ATRNL1: variants seen among roughly 807,000 people sequenced by gnomAD.
ATRNL1 encodes attractin like 1, also known as attractin-like protein 1.
ATRNL1 carries 95 observed loss-of-function variants against 182.7 expected under a neutral mutation model. That is an observed-to-expected ratio of 0.52 (90% CI 0.44 to 0.62). The LOEUF (loss-of-function observed/expected upper bound fraction) is 0.62. ATRNL1 is among the 20% of genes least tolerant of loss of function. ATRNL1 has a pLI of 0.00. For missense variants in ATRNL1, 1,471 were observed against 1,679.5 expected (o/e 0.88, Z 2.17); for synonymous variants, 576 against 568.3 (o/e 1.01, Z -0.19).
chr10:115,094,296 CCAGATGTCCGCAGCGACTT>C (rs1337699320), intron 1 of ATRNL1, among the ~76,000 whole-genome samples: 1 of 152,162 alleles, frequency 6.6e-6, no homozygotes, highest in African/African-American at 2.4e-5. Context: ...CTCGAGCGTT[CCAGATGTCCGCAGCGACTT>C]CTGATCCGCT....
intron 22 of ATRNL1, 141 bp downstream of exon 22, chr10:115,462,176 C>G (rs1847835215): frequency 2.0e-6 from 1 of 500,634 alleles, no homozygotes. Flanking sequence ...TTTTTTCTCT[C>G]TTCGTGATTC....
rs186861893 is a variant in ATRNL1 at position 115,267,070 on chromosome 10, C to T, written c.1981+65C>T. 1,609 of 1,113,650 alleles carry T rather than the reference C, an allele frequency of 1.4e-3. 3 individuals carry two copies. The highest frequency in any genetic ancestry group is 2.4e-3 in the Middle Eastern group (8 of 3,336). 69.0% of individuals were successfully genotyped at this position (1,113,650 alleles called of 1,614,324 possible). A position where few individuals can be genotyped will look rare whatever the true frequency, so the allele number is the denominator to read the frequency against. ...TTCTCTTCTACAGAAGTAGAAATAT[C>T]TTCTGCTTATAAGAATTACTTTAGT... On this transcript the variant is annotated intron_variant, in intron 12 of 28. Coordinates refer to ENST00000355044, the MANE Select transcript of ATRNL1 (RefSeq NM_207303.4).
chr10:115,748,235 A>G (rs1948349088), intron 27 of ATRNL1, among the ~76,000 whole-genome samples: 1 of 151,952 alleles, frequency 6.6e-6, no homozygotes, highest in African/African-American at 2.4e-5. Flanking sequence ...TGTTGACAAC[A>G]TTTTGACCTC....
intron 25 of ATRNL1, among the ~76,000 whole-genome samples, chr10:115,538,933 G>A (rs1030166473): frequency 3.0e-4 from 46 of 152,258 alleles, no homozygotes; most frequent in Admixed American, 1.6e-3. Flanking sequence ...AAACCATTGT[G>A]TTATAATTAC....
At chr10:115,846,878 A>G (rs1950941051) in intron 27 of ATRNL1, among the ~76,000 whole-genome samples, 1 of 152,114 alleles carries the variant, frequency 6.6e-6, no homozygotes, top group Admixed American at 6.6e-5. Flanking sequence ...TATGAATCTG[A>G]GCAAGCTTTG....
At chr10:115,911,370 G>T (rs781999815) in intron 28 of ATRNL1, among the ~76,000 whole-genome samples, 101 of 151,648 alleles carry the variant, frequency 6.7e-4, no homozygotes, top group Middle Eastern at 3.4e-3. Context: ...CAGGCTGGAG[G>T]GCAATGGTGC....
chr10:115,535,469 A>G (rs7913273), intron 25 of ATRNL1, among the ~76,000 whole-genome samples: 4,187 of 149,500 alleles, frequency 0.028, 227 homozygotes, highest in African/African-American at 0.098. Context: ...CAGCTCCTTT[A>G]AGCACTTCTC....
intron 26 of ATRNL1, among the ~76,000 whole-genome samples, chr10:115,574,242 A>G (rs1854576251): frequency 6.6e-6 from 1 of 151,148 alleles, no homozygotes; most frequent in Non-Finnish European, 1.5e-5. Context: ...ATATAACTAC[A>G]GTTATATATA....
chr10:115,409,149 T>C (rs1845008652), intron 20 of ATRNL1, among the ~76,000 whole-genome samples: 1 of 152,216 alleles, frequency 6.6e-6, no homozygotes, highest in Admixed American at 6.5e-5. Context: ...ATTCAATCTG[T>C]ATAGCTTTGT....
chr10:115,613,566 T>G (rs949068079), intron 26 of ATRNL1, among the ~76,000 whole-genome samples: 1 of 152,166 alleles, frequency 6.6e-6, no homozygotes, highest in Non-Finnish European at 1.5e-5. Context: ...AATTCCTTCT[T>G]CATCAGTTTT....
chr10:115,442,091 T>C (rs12098663), intron 21 of ATRNL1, among the ~76,000 whole-genome samples: 11,642 of 152,042 alleles, frequency 0.077, 1,468 homozygotes, highest in African/African-American at 0.26. Flanking sequence ...CAGGGTGACA[T>C]TTAAAAATTA....
At chr10:115,522,881 T>G (rs1345217984) in intron 25 of ATRNL1, among the ~76,000 whole-genome samples, 4 of 152,140 alleles carry the variant, frequency 2.6e-5, no homozygotes, top group African/African-American at 9.7e-5. Context: ...GGGAAGACAT[T>G]AAATCTTAAA....
chr10:115,231,074 T>C (rs1397844512), intron 9 of ATRNL1, among the ~76,000 whole-genome samples: 1 of 152,042 alleles, frequency 6.6e-6, no homozygotes. Flanking sequence ...TAATTTGAGG[T>C]ACATACTATA....
chr10:115,199,034 G>A (rs951651733), intron 8 of ATRNL1, among the ~76,000 whole-genome samples: 34 of 152,098 alleles, frequency 2.2e-4, no homozygotes, highest in East Asian at 9.7e-4. Context: ...AAAATTTTTT[G>A]TGAAAAATGT....
chr10:115,641,721 T>C (rs527247082), intron 26 of ATRNL1, among the ~76,000 whole-genome samples: 4 of 152,122 alleles, frequency 2.6e-5, no homozygotes, highest in Non-Finnish European at 2.9e-5. Flanking sequence ...TTTGTAATTT[T>C]GCACTGTAAG....
At chr10:115,153,496 C>T (rs1332233472) in intron 5 of ATRNL1, among the ~76,000 whole-genome samples, 34 of 152,182 alleles carry the variant, frequency 2.2e-4, no homozygotes, top group African/African-American at 5.1e-4. Context: ...AGTTTATTTG[C>T]GTAGAGATGT....
chr10:115,866,564 T>C (rs4237489), intron 28 of ATRNL1, among the ~76,000 whole-genome samples: 143,331 of 152,254 alleles, frequency 0.94, 68,076 homozygotes, highest in East Asian at 1. Flanking sequence ...GAGTTCATAA[T>C]TGACAGGACC....
intron 24 of ATRNL1, among the ~76,000 whole-genome samples, chr10:115,503,612 T>C (rs1278498831): frequency 6.6e-6 from 1 of 152,138 alleles, no homozygotes; most frequent in African/African-American, 2.4e-5. Flanking sequence ...TGAGTGTTTT[T>C]GTATATATCA....
intron 8 of ATRNL1, among the ~76,000 whole-genome samples, chr10:115,187,299 A>G (rs1444235494): frequency 6.6e-6 from 1 of 152,116 alleles, no homozygotes; most frequent in Non-Finnish European, 1.5e-5. Flanking sequence ...TCATGAAGCA[A>G]TATCAGACAA....
Sources: gnomAD v4.1 joint callset for allele counts (sites outside exome capture counted in the v4.1 genomes callset) on GRCh38, gnomAD v4.1.1 for gene constraint, MANE v1.5 for transcripts, NCBI Gene and HGNC (gene_info 2026-07-23, HGNC 2026-07-21) for gene names.